The following DCC variants were observed in gnomAD, a reference collection of about 807,000 sequenced individuals.
The protein encoded by DCC is DCC netrin 1 receptor.
A neutral mutation model predicts 172.5 loss-of-function variants in DCC; 58 were observed. The observed-to-expected ratio is 0.34, with a 90% CI of 0.27 to 0.42. The LOEUF (loss-of-function observed/expected upper bound fraction) is 0.42, where lower values mean the gene tolerates loss of function less well. Ranked by LOEUF, DCC falls within the 10% of genes least tolerant of loss-of-function variation. DCC has a pLI of 1.00. For missense variants in DCC, 1,740 were observed against 1,791.0 expected (o/e 0.97, Z 0.51); for synonymous variants, 709 against 644.5 (o/e 1.10, Z -1.52).
chr18:52,514,151 G>GTA (rs916757645), intron 1 of DCC, among the ~76,000 whole-genome samples: 36 of 151,726 alleles, frequency 2.4e-4, no homozygotes, highest in African/African-American at 7.7e-4. Flanking sequence ...GTATATATGT[G>GTA]TATATATATA....
At chr18:53,229,743 T>C (rs1387948136) in intron 12 of DCC, among the ~76,000 whole-genome samples, 1 of 151,970 alleles carries the variant, frequency 6.6e-6, no homozygotes, top group Non-Finnish European at 1.5e-5. Flanking sequence ...CAATTCCCTC[T>C]GTAGGCTCTA....
intron 3 of DCC, among the ~76,000 whole-genome samples, chr18:52,911,023 T>C (rs1247196402): frequency 6.6e-6 from 1 of 152,118 alleles, no homozygotes; most frequent in African/African-American, 2.4e-5. Flanking sequence ...AAGAACTTAT[T>C]ACTCAATGGC....
intron 1 of DCC, among the ~76,000 whole-genome samples, chr18:52,349,735 A>G (rs925837386): frequency 2.6e-5 from 4 of 152,158 alleles, no homozygotes; most frequent in Non-Finnish European, 5.9e-5. Context: ...AATGTGTTCA[A>G]TAATTCGAGC....
chr18:53,420,020 AT>A, intron 21 of DCC, among the ~76,000 whole-genome samples: 1 of 151,768 alleles, frequency 6.6e-6, no homozygotes, highest in Non-Finnish European at 1.5e-5. Flanking sequence ...CACCTGGCTA[AT>A]TTTTTTGTCT....
intron 1 of DCC, among the ~76,000 whole-genome samples, chr18:52,687,056 T>C (rs2035848658): frequency 6.6e-6 from 1 of 152,112 alleles, no homozygotes; most frequent in Non-Finnish European, 1.5e-5. Flanking sequence ...CAGAGTGTAA[T>C]TAATCTAGCC....
At chr18:53,020,979 AC>A (rs2041872138) in intron 5 of DCC, among the ~76,000 whole-genome samples, 1 of 151,732 alleles carries the variant, frequency 6.6e-6, no homozygotes. Flanking sequence ...ACCTGACAAG[AC>A]CTTTTACTAG....
intron 2 of DCC, among the ~76,000 whole-genome samples, chr18:52,760,174 G>A (rs2037136503): frequency 6.6e-6 from 1 of 152,300 alleles, no homozygotes. Context: ...AATCATGGTG[G>A]AAAGGGAAGC....
intron 2 of DCC, among the ~76,000 whole-genome samples, chr18:52,868,916 A>G (rs139820493): frequency 1.5e-3 from 236 of 152,312 alleles, no homozygotes; most frequent in African/African-American, 5.6e-3. Flanking sequence ...GTACTCTGCA[A>G]GGCTGCAGCT....
intron 24 of DCC, among the ~76,000 whole-genome samples, chr18:53,461,342 C>A (rs375738562): frequency 0.03 from 4,432 of 149,048 alleles, 195 homozygotes; most frequent in African/African-American, 0.091. Flanking sequence ...TGTTTTAGAC[C>A]TGAAGTCCTT....
chr18:53,381,979 A>G (rs1426495790), intron 15 of DCC, among the ~76,000 whole-genome samples: 1 of 151,746 alleles, frequency 6.6e-6, no homozygotes, highest in East Asian at 1.9e-4. Flanking sequence ...TCAATCATAT[A>G]CTTTCCAAGA....
At chr18:52,462,913 A>C (rs1988674770) in intron 1 of DCC, among the ~76,000 whole-genome samples, 1 of 152,176 alleles carries the variant, frequency 6.6e-6, no homozygotes, top group East Asian at 1.9e-4. Flanking sequence ...CATTTCTGAC[A>C]GTTCCTAACT....
chr18:53,205,404 A>G (rs1004763141), intron 10 of DCC, 40 bp downstream of exon 10: 2 of 1,605,714 alleles, frequency 1.2e-6, no homozygotes, highest in African/African-American at 1.3e-5. Context: ...CATCTGTTGG[A>G]TGTTTCCATC....
intron 1 of DCC, among the ~76,000 whole-genome samples, chr18:52,731,604 A>G (rs2036643836): frequency 6.6e-6 from 1 of 152,184 alleles, no homozygotes; most frequent in South Asian, 2.1e-4. Flanking sequence ...TACTATATTA[A>G]TACAGTAGAG....
At chr18:53,207,318 G>A (rs1228544356) in intron 10 of DCC, among the ~76,000 whole-genome samples, 1 of 152,164 alleles carries the variant, frequency 6.6e-6, no homozygotes, top group Non-Finnish European at 1.5e-5. Flanking sequence ...ATTTCTTGGT[G>A]AATTATTCCA....
chr18:52,360,869 G>A (rs888368915), intron 1 of DCC, among the ~76,000 whole-genome samples: 18 of 152,186 alleles, frequency 1.2e-4, no homozygotes, highest in Non-Finnish European at 4.4e-5. Context: ...GGGCCAGTTT[G>A]GGATTGCTAG....
intron 2 of DCC, chr18:52,816,701 A>G (rs1355259211): frequency 6.6e-6 from 1 of 152,132 alleles, no homozygotes; most frequent in African/African-American, 2.4e-5. Flanking sequence ...AAGTATATGG[A>G]TGGATGACAC....
At chr18:53,301,054 GTCCTTTCCTC>G (rs760630705) in intron 12 of DCC, among the ~76,000 whole-genome samples, 1 of 106,660 alleles carries the variant, frequency 9.4e-6, no homozygotes, top group African/African-American at 3.4e-5. Context: ...TTCCTTTCCT[GTCCTTTCCTC>G]TCCTTTCCTT....
At chr18:52,665,547 T>C (rs2035446809) in intron 1 of DCC, among the ~76,000 whole-genome samples, 1 of 152,202 alleles carries the variant, frequency 6.6e-6, no homozygotes, top group African/African-American at 2.4e-5. Context: ...CATCCAGAAG[T>C]TAGTGAATTG....
At chr18:52,555,117 C>T (rs2032878160) in intron 1 of DCC, among the ~76,000 whole-genome samples, 1 of 152,010 alleles carries the variant, frequency 6.6e-6, no homozygotes, top group South Asian at 2.1e-4. Context: ...GAGTGTTGTG[C>T]TAGCTGGCTT....
Sources: gnomAD v4.1 joint callset for allele counts (sites outside exome capture counted in the v4.1 genomes callset) on GRCh38, gnomAD v4.1.1 for gene constraint, MANE v1.5 for transcripts, NCBI Gene and HGNC (gene_info 2026-07-23, HGNC 2026-07-21) for gene names.